PRELID2: variants seen among roughly 807,000 people sequenced by gnomAD.
The protein encoded by PRELID2 is PRELI domain containing 2.
Under a neutral mutation model 28.4 loss-of-function variants are expected in PRELID2, and 25 were observed. That is an observed-to-expected ratio of 0.88 (90% CI 0.64 to 1.23). PRELID2 has a LOEUF of 1.23. Among genes scored for constraint, PRELID2 ranks in the 50% most tolerant of loss-of-function variants. PRELID2 has a pLI of 0.00. For synonymous variants in PRELID2, 76 were observed against 71.6 expected (o/e 1.06, Z -0.31); for missense variants, 201 against 214.4 (o/e 0.94, Z 0.39).
At chr5:145,407,916 T>C in the PRELID2 span, among the ~76,000 whole-genome samples, 1 of 152,280 alleles carries the variant, frequency 6.6e-6, no homozygotes, top group East Asian at 1.9e-4. Flanking sequence ...CTGCCACCTA[T>C]GCCAGCACAG....
chr5:145,293,667 T>C, the PRELID2 span, among the ~76,000 whole-genome samples: 1 of 152,202 alleles, frequency 6.6e-6, no homozygotes, highest in Non-Finnish European at 1.5e-5. Context: ...GATGGTTTAA[T>C]GTTATTAATA....
chr5:145,731,224 G>A (rs938732580), intron 1 of PRELID2, among the ~76,000 whole-genome samples: 2 of 152,130 alleles, frequency 1.3e-5, no homozygotes, highest in African/African-American at 2.4e-5. Context: ...AGAGTTCTTG[G>A]AACATACTCA....
the PRELID2 span, among the ~76,000 whole-genome samples, chr5:145,432,293 C>G: frequency 6.6e-5 from 10 of 151,820 alleles, no homozygotes; most frequent in South Asian, 2.1e-4. Context: ...TTTAGCCAGT[C>G]AATAATTTTT....
chr5:145,825,992 A>C, intron 1 of PRELID2: 3 of 982,342 alleles, frequency 3.1e-6, no homozygotes, highest in Non-Finnish European at 3.6e-6. Context: ...TACCAGGAAC[A>C]CTTACCTGGG....
chr5:145,597,486 C>T (rs2195936), intron 1 of PRELID2, among the ~76,000 whole-genome samples: 18,422 of 151,910 alleles, frequency 0.12, 3,130 homozygotes, highest in African/African-American at 0.38. Context: ...TAGTTCAGAA[C>T]AATTTAAAAT....
chr5:145,734,495 G>A (rs980745588), intron 1 of PRELID2, among the ~76,000 whole-genome samples: 1 of 152,154 alleles, frequency 6.6e-6, no homozygotes, highest in Non-Finnish European at 1.5e-5. Context: ...AATTATCCTT[G>A]GGAAACATAT....
chr5:145,697,635 G>A (rs1164048013), intron 1 of PRELID2, among the ~76,000 whole-genome samples: 1 of 152,128 alleles, frequency 6.6e-6, no homozygotes, highest in African/African-American at 2.4e-5. Flanking sequence ...CTTCATTACA[G>A]AAAAAGTTTC....
chr5:145,294,581 T>G, the PRELID2 span, among the ~76,000 whole-genome samples: 366 of 151,662 alleles, frequency 2.4e-3, 1 homozygote, highest in African/African-American at 8.5e-3. Flanking sequence ...TATATCAAGA[T>G]TATTAACTCA....
At chr5:145,377,807 C>T in the PRELID2 span, among the ~76,000 whole-genome samples, 12 of 152,126 alleles carry the variant, frequency 7.9e-5, no homozygotes, top group Non-Finnish European at 1.5e-4. Flanking sequence ...CATTATTCAG[C>T]TTGCCACTCT....
At chr5:145,393,462 C>A in the PRELID2 span, among the ~76,000 whole-genome samples, 1 of 152,158 alleles carries the variant, frequency 6.6e-6, no homozygotes. Flanking sequence ...AAGCATCGGG[C>A]AGCCTCCAGA....
intron 2 of PRELID2, among the ~76,000 whole-genome samples, chr5:145,821,569 C>G (rs12658465): frequency 6.6e-6 from 1 of 152,086 alleles, no homozygotes; most frequent in East Asian, 1.9e-4. Context: ...ATCACTGTGA[C>G]TTAGCCATGC....
intron 1 of PRELID2, among the ~76,000 whole-genome samples, chr5:145,694,038 A>G (rs930766002): frequency 6.6e-6 from 1 of 152,232 alleles, no homozygotes; most frequent in Non-Finnish European, 1.5e-5. Flanking sequence ...CAGGCAAGGT[A>G]GTTAATCTTC....
chr5:145,723,630 A>G (rs1756052385), intron 1 of PRELID2, among the ~76,000 whole-genome samples: 2 of 152,230 alleles, frequency 1.3e-5, no homozygotes, highest in South Asian at 4.1e-4. Context: ...AAGAAATGCA[A>G]ATAAAATGAC....
intron 1 of PRELID2, among the ~76,000 whole-genome samples, chr5:145,589,199 G>C (rs1753193827): frequency 6.6e-6 from 1 of 152,042 alleles, no homozygotes; most frequent in Non-Finnish European, 1.5e-5. Flanking sequence ...TTCCCTTACT[G>C]TTGAGCATTA....
At chr5:145,639,318 C>T (rs1754055907) in intron 1 of PRELID2, among the ~76,000 whole-genome samples, 1 of 152,018 alleles carries the variant, frequency 6.6e-6, no homozygotes, top group East Asian at 1.9e-4. Context: ...ATAAAACTCA[C>T]TTCTAAGAAG....
the PRELID2 span, among the ~76,000 whole-genome samples, chr5:145,423,252 C>T: frequency 7.4e-5 from 11 of 149,280 alleles, no homozygotes; most frequent in South Asian, 2.1e-4. Context: ...TTGTGGCGTT[C>T]TCTGTATTTC....
chr5:145,286,721 TTTG>T, the PRELID2 span, among the ~76,000 whole-genome samples: 29 of 121,132 alleles, frequency 2.4e-4, no homozygotes, highest in African/African-American at 1.2e-3. Context: ...TGTTTGTTTG[TTTG>T]TTTTTTTTTT....
chr5:145,367,750 A>C, the PRELID2 span, among the ~76,000 whole-genome samples: 1 of 151,902 alleles, frequency 6.6e-6, no homozygotes, highest in African/African-American at 2.4e-5. Flanking sequence ...AGTAATATAC[A>C]TTTATGTCTT....
intron 1 of PRELID2, among the ~76,000 whole-genome samples, chr5:145,542,989 T>C (rs1193086091): frequency 1.3e-5 from 2 of 152,096 alleles, no homozygotes; most frequent in Non-Finnish European, 2.9e-5. Flanking sequence ...CCAAGCAAGC[T>C]GTGTACAAGC....
Sources: gnomAD v4.1 joint callset for allele counts (sites outside exome capture counted in the v4.1 genomes callset) on GRCh38, gnomAD v4.1.1 for gene constraint, MANE v1.5 for transcripts, NCBI Gene and HGNC (gene_info 2026-07-23, HGNC 2026-07-21) for gene names.